Variants in PGBD5 observed in about 807,000 individuals in gnomAD.
PGBD5 encodes the protein piggyBac transposable element-derived protein 5.
PGBD5 carries 14 observed loss-of-function variants against 47.9 expected under a neutral mutation model. That is an observed-to-expected ratio of 0.29 (90% CI 0.19 to 0.46). The LOEUF (loss-of-function observed/expected upper bound fraction) is 0.46, where lower values mean the gene tolerates loss of function less well. Ranked by LOEUF, PGBD5 falls within the 20% of genes least tolerant of loss-of-function variation. The pLI, the probability that PGBD5 is intolerant of heterozygous loss-of-function variation, is 1.00. For synonymous variants in PGBD5, 316 were observed against 306.3 expected (o/e 1.03, Z -0.33); for missense variants, 635 against 716.0 (o/e 0.89, Z 1.29).
chr1:230,333,971 G>A (rs1667262352), intron 4 of PGBD5, among the ~76,000 whole-genome samples: 1 of 152,256 alleles, frequency 6.6e-6, no homozygotes. Flanking sequence ...CCAGCAGCCT[G>A]GAGGGGACGC....
At chr1:230,326,609 C>A (rs945806565) in intron 5 of PGBD5, among the ~76,000 whole-genome samples, 1 of 152,104 alleles carries the variant, frequency 6.6e-6, no homozygotes, top group Non-Finnish European at 1.5e-5. Context: ...CAGGTACATG[C>A]CACCATGCCC....
intron 3 of PGBD5, among the ~76,000 whole-genome samples, chr1:230,347,235 G>A (rs558936877): frequency 3.3e-5 from 5 of 152,216 alleles, no homozygotes; most frequent in Admixed American, 6.5e-5. Context: ...ACAGAAGCAC[G>A]AGTGTGTGTA....
At chr1:230,378,858 T>C (rs547114982) in intron 1 of PGBD5, among the ~76,000 whole-genome samples, 10 of 152,238 alleles carry the variant, frequency 6.6e-5, no homozygotes, top group African/African-American at 2.4e-4. Context: ...GATATTACTG[T>C]CTTTCATAAA....
chr1:230,403,727 C>G (rs1277531687), intron 1 of PGBD5, among the ~76,000 whole-genome samples: 2 of 152,210 alleles, frequency 1.3e-5, no homozygotes, highest in Admixed American at 6.5e-5. Flanking sequence ...GAGCCGCCTT[C>G]TCTCCCACCA....
intron 5 of PGBD5, among the ~76,000 whole-genome samples, chr1:230,327,513 T>C (rs1667140261): frequency 6.6e-6 from 1 of 152,192 alleles, no homozygotes. Flanking sequence ...AGGCCTGCCC[T>C]AGAGACGCAG....
chr1:230,330,615 A>G (rs1214737595), intron 5 of PGBD5, among the ~76,000 whole-genome samples: 1 of 152,124 alleles, frequency 6.6e-6, no homozygotes, highest in African/African-American at 2.4e-5. Flanking sequence ...CCCCCAGGCA[A>G]TTTCCCACTC....
chr1:230,326,899 A>G lies in PGBD5; in HGVS notation c.1274-1484T>C, dbSNP rs765742252. ...TACACCCTCAAACACCTTTTCCTCT[A>G]CTAAGTACAACTGGGAATGCATCCC... On this transcript the variant is annotated intron_variant, in intron 5 of 6. Transcript: ENST00000391860. Among the ~76,000 whole-genome samples the G allele has an allele frequency of 4.4e-4, 67 of 151,960 alleles. 1 individual carries two copies. Among genetic ancestry groups the G allele is most frequent in the Middle Eastern group, 3.4e-3 (1 of 294 alleles).
At chr1:230,404,281 C>A (rs1657216221) in intron 1 of PGBD5, among the ~76,000 whole-genome samples, 1 of 152,124 alleles carries the variant, frequency 6.6e-6, no homozygotes, top group African/African-American at 2.4e-5. Flanking sequence ...GAGCTCGAGA[C>A]TAGCCTGGGC....
Position 230,332,838 on chromosome 1 carries a change from A to G in PGBD5, c.1273+6T>C, listed in dbSNP as rs754646990. The G allele has an allele frequency of 5.0e-6, 8 of 1,613,908 alleles. No individual in the cohort carries two copies. The highest frequency in any genetic ancestry group is 5.9e-6 in the Non-Finnish European group (7 of 1,179,952). On this transcript the variant is annotated splice_donor_region_variant and intron_variant, in intron 5 of 6. Transcript: ENST00000391860. Reference sequence around the variant, plus strand: ...CCCACTGTGTCAATGGCGGACCCGCACTCACCCTGCTGCACCGGGGAGTAG... The same window carrying G: ...CCCACTGTGTCAATGGCGGACCCGCGCTCACCCTGCTGCACCGGGGAGTAG...
rs768383159 is a variant in PGBD5 at position 230,357,255 on chromosome 1, T to G, written c.398A>C (p.Asn133Thr). 4 of 1,614,038 alleles carry G rather than the reference T, an allele frequency of 2.5e-6. No homozygotes were observed. Among genetic ancestry groups the G allele is most frequent in the Non-Finnish European group, 3.4e-6 (4 of 1,179,994 alleles). The change falls in exon 2 of 7, where the codon AAC (asparagine) becomes ACC (threonine). Residue 133 changes from asparagine to threonine, a missense_variant. Physicochemically the swap from Asn to Thr is moderately conservative, Grantham distance 65. Transcript: ENST00000391860. The surrounding 1 kb of genome is among the most constrained non-coding windows in gnomAD (Gnocchi z 5.7). ...VDFFQLFVPD[N>T]VLKNMVVQTN... ...CTGCACCACCATGTTCTTGAGGACG[T>G]TGTCTGGGACAAAGAGCTGGAAGAA...
intron 1 of PGBD5, chr1:230,367,975 G>C: frequency 7.3e-7 from 1 of 1,367,142 alleles, no homozygotes. Context: ...GGTCCTGCAA[G>C]CTGGACACCA....
intron 1 of PGBD5, among the ~76,000 whole-genome samples, chr1:230,380,371 G>T (rs375195556): frequency 5.3e-5 from 8 of 152,228 alleles, no homozygotes; most frequent in African/African-American, 1.9e-4. Context: ...GCCACAGGGC[G>T]CTCTGCCTCC....
In PGBD5 at chr1:230,332,912, G is replaced by C; in HGVS notation, c.1205C>G (p.Ser402Cys). The change falls in exon 5 of 7, where the codon TCC (serine) becomes TGC (cysteine). Residue 402 changes from serine to cysteine, a missense_variant. Physicochemically the swap from Ser to Cys is moderately radical, Grantham distance 112. Transcript: ENST00000391860. The stretch of plus-strand genomic sequence containing the variant: ...TCCTTTGTTGTACCAGCAGATCAAG[G>C]ACATGTTCCCCTTCATCTTGATTTG... ...QYQIKMKGNMSLICWYNKGHF... is the reference protein window; with the variant it reads ...QYQIKMKGNMCLICWYNKGHF... 3.7e-6 allele frequency: 6 copies of C among 1,614,236 alleles called. No individual in the cohort carries two copies. Among genetic ancestry groups the C allele is most frequent in the Non-Finnish European group, 5.1e-6 (6 of 1,180,034 alleles).
At position 230,426,325 on chromosome 1, in the gene PGBD5, C is replaced by G. The variant is rs1021815734; in HGVS notation, c.-397G>C. 9 of 148,948 alleles carry G rather than the reference C, an allele frequency of 6.0e-5. No homozygotes were observed. In the South Asian group the frequency reaches 1.6e-3, roughly 26 times the overall value. The allele number at this position is 148,948 out of a possible 1,614,324, so 9.2% of individuals were successfully genotyped here. Reference sequence around the variant, plus strand: ...CGCCCTCTCCACGGCCTCCGGCGCTCGGCTGCCGACCTTCCCGGGCGCGAG... The same window carrying G: ...CGCCCTCTCCACGGCCTCCGGCGCTGGGCTGCCGACCTTCCCGGGCGCGAG... On this transcript the variant is annotated 5_prime_UTR_variant, in exon 1 of 7. Transcript: ENST00000391860.
chr1:230,318,251 T>C lies in PGBD5; in HGVS notation c.*5174A>G, dbSNP rs1458346302. ...GGTACCTGATACTCTTTATTTCTTA[T>C]TGGGAGAGAATAACATACCTGCAAA... On this transcript the variant is annotated 3_prime_UTR_variant, in exon 7 of 7. Coordinates refer to ENST00000391860, the MANE Select transcript of PGBD5 (RefSeq NM_001258311.2). 1 of 152,194 alleles carries C rather than the reference T, an allele frequency of 6.6e-6. No homozygotes were observed. Among genetic ancestry groups the C allele is most frequent in the Admixed American group, 6.5e-5 (1 of 15,282 alleles). The allele number at this position is 152,194 out of a possible 1,614,324, so 9.4% of individuals were successfully genotyped here.
At chr1:230,421,822 T>C (rs1174282869) in intron 1 of PGBD5, among the ~76,000 whole-genome samples, 1 of 152,158 alleles carries the variant, frequency 6.6e-6, no homozygotes, top group African/African-American at 2.4e-5. Context: ...GAGCTAAAGG[T>C]AGGAGCAGCT....
intron 1 of PGBD5, among the ~76,000 whole-genome samples, chr1:230,396,257 A>C (rs1160045114): frequency 2.4e-4 from 3 of 12,504 alleles, no homozygotes; most frequent in Non-Finnish European, 4.0e-4. Context: ...TTTTACCCCC[A>C]CACTCCTCCT....
At chr1:230,398,693 G>A (rs1279766110) in intron 1 of PGBD5, among the ~76,000 whole-genome samples, 2 of 152,188 alleles carry the variant, frequency 1.3e-5, no homozygotes, top group Non-Finnish European at 2.9e-5. Context: ...TCAGTAGGCA[G>A]AGCCCACCCA....
In PGBD5 at chr1:230,357,969, T is replaced by TACAC. The variant is rs1192271079; in HGVS notation, c.332-652_332-649dup. Among the ~76,000 whole-genome samples the TACAC allele has an allele frequency of 6.6e-6, 1 of 151,762 alleles. No individual in the cohort carries two copies. Among genetic ancestry groups the TACAC allele is most frequent in the Admixed American group, 6.6e-5 (1 of 15,238 alleles). On this transcript the variant is annotated intron_variant, in intron 1 of 6. Coordinates refer to ENST00000391860, the MANE Select transcript of PGBD5 (RefSeq NM_001258311.2). This position sits in a 1 kb window ranked among gnomAD's most constrained non-coding sequence, Gnocchi z 5.7. ...ATACACATGCATATATACACATACA[T>TACAC]ACACACACATACATACATACATACA...
Sources: gnomAD v4.1 joint callset for allele counts (sites outside exome capture counted in the v4.1 genomes callset) on GRCh38, gnomAD v4.1.1 for gene constraint, Gnocchi (gnomAD v3.1) non-coding constraint, MANE v1.5 for transcripts, NCBI Gene and HGNC (gene_info 2026-07-23, HGNC 2026-07-21) for gene names.